The following DDAH1 variants were observed in gnomAD, a reference collection of about 807,000 sequenced individuals.
DDAH1 encodes dimethylarginine dimethylaminohydrolase 1, also known as N(G),N(G)-dimethylarginine dimethylaminohydrolase 1.
DDAH1 carries 19 observed loss-of-function variants against 28.8 expected under a neutral mutation model. The ratio of observed to expected loss-of-function variants is 0.66; its 90% CI spans 0.46 to 0.97. DDAH1 has a LOEUF of 0.97. Ranked by LOEUF, DDAH1 falls within the 50% of genes least tolerant of loss-of-function variation. The pLI, the probability that DDAH1 is intolerant of heterozygous loss-of-function variation, is 0.00. For synonymous variants in DDAH1, 153 were observed against 154.4 expected, an observed-to-expected ratio of 0.99 and a Z score of 0.07; for missense variants, 326 against 375.9, an observed-to-expected ratio of 0.87 and a Z score of 1.10.
chr1:85,509,434 C>T (rs1657147141), intron 1 of DDAH1, among the ~76,000 whole-genome samples: 2 of 152,268 alleles, frequency 1.3e-5, no homozygotes, highest in South Asian at 4.2e-4. Flanking sequence ...TATTCTCCTC[C>T]AAAGGACTGC....
intron 1 of DDAH1, among the ~76,000 whole-genome samples, chr1:85,463,363 G>A (rs905162587): frequency 6.6e-6 from 1 of 152,222 alleles, no homozygotes; most frequent in Admixed American, 6.5e-5. Context: ...TTTTGAAAGG[G>A]TTTTGAAATC....
At chr1:85,560,480 G>A (rs1222471171) in intron 1 of DDAH1, among the ~76,000 whole-genome samples, 14 of 152,048 alleles carry the variant, frequency 9.2e-5, no homozygotes, top group Admixed American at 2.6e-4. Flanking sequence ...TATGGCGTTT[G>A]TAACATATAT....
chr1:85,509,848 C>G (rs568765216), intron 1 of DDAH1, among the ~76,000 whole-genome samples: 4 of 151,920 alleles, frequency 2.6e-5, no homozygotes, highest in Non-Finnish European at 5.9e-5. Context: ...GTGAAAAGAC[C>G]AAATCTACAT....
intron 2 of DDAH1, among the ~76,000 whole-genome samples, chr1:85,484,431 G>C (rs565112328): frequency 6.6e-6 from 1 of 152,110 alleles, no homozygotes; most frequent in African/African-American, 2.4e-5. Flanking sequence ...TGCTGCCAAG[G>C]ATGATTCATT....
At position 85,435,957 on chromosome 1, in the gene DDAH1, A is replaced by ATTT. The variant is rs112689101; in HGVS notation, c.303+28783_303+28785dup. Among the ~76,000 whole-genome samples the ATTT allele has an allele frequency of 8.4e-3, 1,237 of 147,778 alleles. 18 individuals carry two copies. The highest frequency in any genetic ancestry group is 0.03 in the African/African-American group (1,189 of 40,176). Reference sequence around the variant, plus strand: ...TGGCGTGTGCCACAATGCCCGGCTAATTTTGTGTGTGTGTGTGTGTGTGTG... The same window carrying ATTT: ...TGGCGTGTGCCACAATGCCCGGCTAATTTTTTTGTGTGTGTGTGTGTGTGTGTG... On this transcript the variant is annotated intron_variant, in intron 1 of 5. Coordinates refer to ENST00000284031, the MANE Select transcript of DDAH1 (RefSeq NM_012137.4).
chr1:85,367,454 G>GT, intron 1 of DDAH1, among the ~76,000 whole-genome samples: 1 of 152,218 alleles, frequency 6.6e-6, no homozygotes, highest in South Asian at 2.1e-4. Context: ...CACACAATCA[G>GT]TATCAACAAG....
At chr1:85,351,664 A>T in intron 2 of DDAH1, 85 bp from the exon 3 acceptor site, 1 of 984,980 alleles carries the variant, frequency 1.0e-6, no homozygotes. Flanking sequence ...ATGACCTTAA[A>T]GCATCACACA....
Position 85,321,404 on chromosome 1 carries a change from C to A in DDAH1, c.*48G>T, listed in dbSNP as rs376108439. ...ACAACAGGAGTGGGCACAGAGTCAT[C>A]GGCCTTGCCTGTGCGGTCTTGCCGG... On this transcript the variant is annotated 3_prime_UTR_variant, in exon 6 of 6. Coordinates refer to ENST00000284031, the MANE Select transcript of DDAH1 (RefSeq NM_012137.4). 1.7e-6 allele frequency: 2 copies of A among 1,205,524 alleles called. No homozygotes were observed. The highest frequency in any genetic ancestry group is 3.0e-5 in the African/African-American group (2 of 66,978). 74.7% of individuals were successfully genotyped at this position (1,205,524 alleles called of 1,614,324 possible). A position where few individuals can be genotyped will look rare whatever the true frequency, so the allele number is the denominator to read the frequency against.
intron 4 of DDAH1, among the ~76,000 whole-genome samples, chr1:85,333,190 A>G (rs1455217588): frequency 6.6e-6 from 1 of 152,236 alleles, no homozygotes; most frequent in Non-Finnish European, 1.5e-5. Context: ...ACGGCAGCCT[A>G]CGCCACTGAG....
At chr1:85,369,783 A>G (rs1650279716) in intron 1 of DDAH1, among the ~76,000 whole-genome samples, 1 of 152,206 alleles carries the variant, frequency 6.6e-6, no homozygotes, top group South Asian at 2.1e-4. Flanking sequence ...CAGTTATTTA[A>G]TTCAGGAGAT....
chr1:85,445,484 C>A (rs549978338), intron 1 of DDAH1, among the ~76,000 whole-genome samples: 1 of 152,246 alleles, frequency 6.6e-6, no homozygotes, highest in Non-Finnish European at 1.5e-5. Flanking sequence ...TATATGGCAT[C>A]AATTTAGGAC....
intron 1 of DDAH1, among the ~76,000 whole-genome samples, chr1:85,403,820 C>T (rs10747319): frequency 0.99 from 150,393 of 152,358 alleles, 74,258 homozygotes; most frequent in East Asian, 1. Context: ...TTAAAATAAA[C>T]GGATGTTTCA....
At chr1:85,556,089 C>CCTCCTT (rs1253139883) in intron 1 of DDAH1, among the ~76,000 whole-genome samples, 35 of 151,354 alleles carry the variant, frequency 2.3e-4, no homozygotes, top group African/African-American at 8.5e-4. Context: ...GCCTCCTCCT[C>CCTCCTT]CTCCTTCTCC....
chr1:85,412,504 C>T (rs1330614699), intron 1 of DDAH1, among the ~76,000 whole-genome samples: 1 of 152,194 alleles, frequency 6.6e-6, no homozygotes, highest in African/African-American at 2.4e-5. Context: ...AGAACATCTT[C>T]CCCTCTTCTT....
upstream of DDAH1, among the ~76,000 whole-genome samples, chr1:85,465,433 C>G (rs1181593259): frequency 2.0e-5 from 3 of 149,118 alleles, no homozygotes; most frequent in Admixed American, 6.6e-5. Context: ...TGTGTTCTGT[C>G]GCAGGTGCAC....
intron 1 of DDAH1, among the ~76,000 whole-genome samples, chr1:85,503,768 G>T (rs538878590): frequency 6.6e-6 from 1 of 152,300 alleles, no homozygotes; most frequent in Non-Finnish European, 1.5e-5. Context: ...AGGAAGATGG[G>T]ATAGGAAATA....
In DDAH1 at chr1:85,351,638, C is replaced by A. The variant is rs1649214659; in HGVS notation, c.404-59G>T. The A allele has an allele frequency of 2.4e-6, 3 of 1,253,412 alleles. No homozygotes were observed. In the African/African-American group the frequency reaches 4.4e-5, roughly 19 times the overall value. The allele number at this position is 1,253,412 out of a possible 1,614,324, so 77.6% of individuals were successfully genotyped here. A position where few individuals can be genotyped will look rare whatever the true frequency, so the allele number is the denominator to read the frequency against. ...TGGCACCAGTGACTGTACATCATTTCTTTTATCTATAAATAATGACCTTAA... is the reference window on the plus strand; with the variant it reads ...TGGCACCAGTGACTGTACATCATTTATTTTATCTATAAATAATGACCTTAA... On this transcript the variant is annotated intron_variant, in intron 2 of 5. Transcript: ENST00000284031.
intron 2 of DDAH1, among the ~76,000 whole-genome samples, chr1:85,475,305 A>G (rs1655758226): frequency 6.6e-6 from 1 of 152,238 alleles, no homozygotes; most frequent in Non-Finnish European, 1.5e-5. Context: ...AACGTTAGCC[A>G]CTTCCATGAT....
intron 2 of DDAH1, chr1:85,482,281 T>A (rs180825644): frequency 2.6e-5 from 4 of 152,196 alleles, no homozygotes; most frequent in Non-Finnish European, 4.4e-5. Context: ...TACCAAGTGA[T>A]ATGTATTTTT....
Sources: gnomAD v4.1 joint callset for allele counts (sites outside exome capture counted in the v4.1 genomes callset) on GRCh38, gnomAD v4.1.1 for gene constraint, MANE v1.5 for transcripts, NCBI Gene and HGNC (gene_info 2026-07-23, HGNC 2026-07-21) for gene names.